Variants in PRKCH observed in about 807,000 individuals in gnomAD.
The protein encoded by PRKCH is protein kinase C eta type.
Under a neutral mutation model 82.5 loss-of-function variants are expected in PRKCH, and 28 were observed. The observed-to-expected ratio is 0.34, with a 90% CI of 0.25 to 0.47. PRKCH has a LOEUF of 0.47. Among genes scored for constraint, PRKCH ranks in the 20% least tolerant of loss-of-function variants. PRKCH has a pLI of 1.00. For synonymous variants in PRKCH, 322 were observed against 327.4 expected, an observed-to-expected ratio of 0.98 and a Z score of 0.18; for missense variants, 705 against 881.8, an observed-to-expected ratio of 0.80 and a Z score of 2.54.
intron 1 of PRKCH, among the ~76,000 whole-genome samples, chr14:61,373,962 T>G (rs1014168720): frequency 6.6e-6 from 1 of 152,146 alleles, no homozygotes; most frequent in Non-Finnish European, 1.5e-5. Context: ...AAGTCTCATC[T>G]GAGACAAAGG....
intron 2 of PRKCH, among the ~76,000 whole-genome samples, chr14:61,406,825 G>T (rs756722149): frequency 3.3e-5 from 5 of 152,066 alleles, no homozygotes; most frequent in Non-Finnish European, 7.4e-5. Flanking sequence ...TTGCAAAAAG[G>T]TTTGAAGATT....
intron 1 of PRKCH, among the ~76,000 whole-genome samples, chr14:61,307,784 A>G (rs1033623334): frequency 1.3e-5 from 2 of 152,236 alleles, no homozygotes; most frequent in African/African-American, 2.4e-5. Flanking sequence ...CAATCTTCAA[A>G]TAACTATAAA....
chr14:61,470,107 G>A (rs1207890917), intron 9 of PRKCH, among the ~76,000 whole-genome samples: 1 of 151,226 alleles, frequency 6.6e-6, no homozygotes, highest in African/African-American at 2.4e-5. Context: ...AGTCTGGGGG[G>A]CTTGTCTGAA....
chr14:61,311,708 T>C (rs1337580471), intron 1 of PRKCH, among the ~76,000 whole-genome samples: 3 of 152,212 alleles, frequency 2.0e-5, no homozygotes. Context: ...TTTAATTGAC[T>C]CACAATTCCA....
intron 12 of PRKCH, among the ~76,000 whole-genome samples, chr14:61,542,539 C>T (rs905474585): frequency 2.0e-5 from 3 of 152,052 alleles, no homozygotes; most frequent in Admixed American, 1.3e-4. Context: ...GAAAAAGGAA[C>T]ATTATTTTCC....
chr14:61,534,917 C>G (rs2043087687), intron 12 of PRKCH, among the ~76,000 whole-genome samples: 1 of 152,156 alleles, frequency 6.6e-6, no homozygotes, highest in African/African-American at 2.4e-5. Flanking sequence ...GTATTGCTAA[C>G]TTGTGAGTAG....
chr14:61,203,540 C>T (rs1014138627), intron 1 of PRKCH, among the ~76,000 whole-genome samples: 1 of 152,128 alleles, frequency 6.6e-6, no homozygotes, highest in Admixed American at 6.5e-5. Context: ...CTAGGGAGCT[C>T]TCCTGCTTCC....
intron 10 of PRKCH, among the ~76,000 whole-genome samples, chr14:61,513,083 G>A (rs191739474): frequency 1.1e-3 from 173 of 152,244 alleles, no homozygotes; most frequent in Middle Eastern, 6.8e-3. Context: ...AAGGAACAGC[G>A]CAATGGGATT....
At chr14:61,490,524 TAACTC>T (rs1660638825) in intron 10 of PRKCH, among the ~76,000 whole-genome samples, 1 of 152,198 alleles carries the variant, frequency 6.6e-6, no homozygotes, top group Admixed American at 6.5e-5. Flanking sequence ...TGACTCCAGA[TAACTC>T]AGCTGGGCAT....
At chr14:61,415,216 G>A (rs1444118061) in intron 2 of PRKCH, among the ~76,000 whole-genome samples, 1 of 152,154 alleles carries the variant, frequency 6.6e-6, no homozygotes, top group Non-Finnish European at 1.5e-5. Flanking sequence ...TAACTTAAAA[G>A]CAATTTGAAG....
intron 10 of PRKCH, among the ~76,000 whole-genome samples, chr14:61,486,874 A>G (rs72712340): frequency 0.12 from 18,315 of 152,178 alleles, 1,168 homozygotes; most frequent in South Asian, 0.19. Flanking sequence ...AAATTTTCGT[A>G]TATTAGGGGC....
intron 10 of PRKCH, among the ~76,000 whole-genome samples, chr14:61,506,565 C>T (rs1314495677): frequency 2.0e-5 from 3 of 152,178 alleles, no homozygotes; most frequent in Admixed American, 1.3e-4. Context: ...CCCTACCACT[C>T]TTCCAGAAAG....
At chr14:61,406,371 T>G (rs1474016809) in intron 2 of PRKCH, among the ~76,000 whole-genome samples, 5 of 119,574 alleles carry the variant, frequency 4.2e-5, no homozygotes, top group Non-Finnish European at 7.2e-5. Context: ...CTTGTTAATG[T>G]CTGCAAACAC....
At chr14:61,188,224 C>CT (rs948239558) in intron 1 of PRKCH, among the ~76,000 whole-genome samples, 7 of 152,240 alleles carry the variant, frequency 4.6e-5, no homozygotes, top group Non-Finnish European at 1.0e-4. Context: ...GAGACAAGTG[C>CT]TGGCTTTACC....
At chr14:61,346,985 A>G (rs2066715880) in intron 1 of PRKCH, among the ~76,000 whole-genome samples, 1 of 152,162 alleles carries the variant, frequency 6.6e-6, no homozygotes, top group South Asian at 2.1e-4. Flanking sequence ...TGGCTTAGGA[A>G]TTTTACCGTA....
In PRKCH at chr14:61,280,721, G is replaced by T; in HGVS notation, c.-19+93053G>T. The T allele has an allele frequency of 6.3e-7, 1 of 1,578,558 alleles. No individual in the cohort carries two copies. Among genetic ancestry groups the T allele is most frequent in the Non-Finnish European group, 8.6e-7 (1 of 1,166,458 alleles). ...TGGTAGGGGGCGCACTCGTTGACAG[G>T]GTGGCGCAGCGCGCTGGGGAGTCCG... is the stretch of plus-strand genomic sequence containing the variant. On this transcript the variant is annotated intron_variant, in intron 1 of 3. Coordinates refer to the PRKCH transcript ENST00000555185. The surrounding 1 kb of genome is among the most constrained non-coding windows in gnomAD (Gnocchi z 5.0).
chr14:61,391,348 G>A (rs2046679072), intron 2 of PRKCH, 60 bp downstream of exon 2: 2 of 1,367,250 alleles, frequency 1.5e-6, no homozygotes, highest in Non-Finnish European at 2.0e-6. Flanking sequence ...CACTCAGTAG[G>A]AATTTCTATC....
chr14:61,193,845 T>C (rs1429057010), intron 1 of PRKCH, among the ~76,000 whole-genome samples: 1 of 152,208 alleles, frequency 6.6e-6, no homozygotes. Context: ...CCCTCCCTGT[T>C]TCTCTTAAGG....
chr14:61,487,342 G>C (rs72712342), intron 10 of PRKCH, among the ~76,000 whole-genome samples: 3 of 152,126 alleles, frequency 2.0e-5, no homozygotes, highest in Admixed American at 2.0e-4. Context: ...CTTAGGTCAC[G>C]GGGCTGCAGC....
Sources: gnomAD v4.1 joint callset for allele counts (sites outside exome capture counted in the v4.1 genomes callset) on GRCh38, gnomAD v4.1.1 for gene constraint, Gnocchi (gnomAD v3.1) non-coding constraint, MANE v1.5 for transcripts, NCBI Gene and HGNC (gene_info 2026-07-23, HGNC 2026-07-21) for gene names.